Variants in TSHR observed in about 807,000 individuals in gnomAD.
The protein encoded by TSHR is thyroid stimulating hormone receptor.
TSHR carries 51 observed loss-of-function variants against 64.1 expected under a neutral mutation model. That is an observed-to-expected ratio of 0.80 (90% CI 0.64 to 1.01). The LOEUF is 1.01. Ranked by LOEUF, TSHR falls within the 50% of genes least tolerant of loss-of-function variation. The pLI is 0.00. For missense variants in TSHR, 877 were observed against 942.8 expected (o/e 0.93, Z 0.91); for synonymous variants, 361 against 361.9 (o/e 1.00, Z 0.03).
At chr14:81,037,535 T>G (rs1223166406) in intron 1 of TSHR, among the ~76,000 whole-genome samples, 3 of 151,922 alleles carry the variant, frequency 2.0e-5, no homozygotes, top group Non-Finnish European at 4.4e-5. Flanking sequence ...ATTTTCCAAT[T>G]AAAAGATATA....
intron 3 of TSHR, among the ~76,000 whole-genome samples, chr14:81,085,000 C>G (rs1888183184): frequency 6.6e-6 from 1 of 152,086 alleles, no homozygotes; most frequent in Admixed American, 6.5e-5. Context: ...CTTGCTTTTT[C>G]GCCCAGGATG....
chr14:81,049,499 T>C (rs1885326812), intron 1 of TSHR: 1 of 152,238 alleles, frequency 6.6e-6, no homozygotes, highest in African/African-American at 2.4e-5. Flanking sequence ...AAAATAACAA[T>C]GTTTGAAAAC....
intron 1 of TSHR, among the ~76,000 whole-genome samples, chr14:81,020,110 CAT>C (rs1883663800): frequency 6.8e-6 from 1 of 146,856 alleles, no homozygotes; most frequent in Non-Finnish European, 1.5e-5. Flanking sequence ...ATTTATTAAA[CAT>C]ATGTGTCTCT....
chr14:80,957,510 C>G (rs1467638391), intron 1 of TSHR, among the ~76,000 whole-genome samples: 2 of 151,994 alleles, frequency 1.3e-5, no homozygotes, highest in Non-Finnish European at 2.9e-5. Flanking sequence ...AATGAATATG[C>G]CAGGTCTCTG....
chr14:81,116,601 T>C (rs1278627893), intron 8 of TSHR, among the ~76,000 whole-genome samples: 1 of 145,374 alleles, frequency 6.9e-6, no homozygotes, highest in Non-Finnish European at 1.5e-5. Flanking sequence ...AACACCCCAA[T>C]GTCAACATTA....
chr14:81,077,435 C>A (rs887768719), intron 3 of TSHR, among the ~76,000 whole-genome samples: 3 of 152,128 alleles, frequency 2.0e-5, no homozygotes, highest in African/African-American at 7.2e-5. Context: ...TATGTTTAGC[C>A]AACCTTAATT....
At chr14:81,114,644 G>T (rs1042843716) in intron 8 of TSHR, among the ~76,000 whole-genome samples, 13 of 152,210 alleles carry the variant, frequency 8.5e-5, no homozygotes, top group Non-Finnish European at 1.5e-4. Context: ...GGTAAACAAA[G>T]CAGCAGGGAA....
chr14:80,978,160 A>G (rs1428806705), intron 1 of TSHR, among the ~76,000 whole-genome samples: 1 of 151,692 alleles, frequency 6.6e-6, no homozygotes, highest in Non-Finnish European at 1.5e-5. Flanking sequence ...AAGCATGAAC[A>G]TTGCACAGGC....
chr14:80,956,493 G>A (rs1886696225), intron 1 of TSHR, among the ~76,000 whole-genome samples: 1 of 152,168 alleles, frequency 6.6e-6, no homozygotes, highest in Admixed American at 6.5e-5. Flanking sequence ...CATGTTAAAT[G>A]TTACCAGATT....
intron 1 of TSHR, chr14:80,959,328 A>G (rs1886894581): frequency 6.6e-6 from 1 of 152,270 alleles, no homozygotes; most frequent in Non-Finnish European, 1.5e-5. Context: ...GGAAACTTAA[A>G]TGAAGCAAGA....
chr14:81,004,269 G>A (rs1017973256), intron 1 of TSHR, among the ~76,000 whole-genome samples: 2 of 152,056 alleles, frequency 1.3e-5, no homozygotes, highest in Admixed American at 6.5e-5. Flanking sequence ...TTAAAGGCAG[G>A]GATTGTAATC....
intron 3 of TSHR, 52 bp downstream of exon 3, chr14:81,068,380 T>G (rs1337524116): frequency 6.4e-7 from 1 of 1,565,356 alleles, no homozygotes; most frequent in Non-Finnish European, 8.8e-7. Flanking sequence ...CACTCTTGAC[T>G]GATAATCTTG....
intron 1 of TSHR, among the ~76,000 whole-genome samples, chr14:81,016,772 A>G (rs1201005865): frequency 6.6e-6 from 1 of 152,126 alleles, no homozygotes; most frequent in African/African-American, 2.4e-5. Flanking sequence ...TTGAGGACTT[A>G]TGTTTGGATT....
At chr14:81,038,049 A>G (rs1345538199) in intron 1 of TSHR, among the ~76,000 whole-genome samples, 1 of 152,104 alleles carries the variant, frequency 6.6e-6, no homozygotes, top group Non-Finnish European at 1.5e-5. Context: ...TCAAAAGTAC[A>G]TTGAATTTTC....
intron 1 of TSHR, among the ~76,000 whole-genome samples, chr14:80,964,011 G>T (rs1375143112): frequency 2.0e-5 from 3 of 152,198 alleles, no homozygotes; most frequent in Admixed American, 2.0e-4. Context: ...AAGTCCAGAG[G>T]CCCGTGGGAC....
intron 1 of TSHR, among the ~76,000 whole-genome samples, chr14:80,974,490 C>A (rs1167897855): frequency 2.0e-5 from 3 of 152,064 alleles, no homozygotes; most frequent in Non-Finnish European, 2.9e-5. Flanking sequence ...CTCCAGATGC[C>A]CATATTTAAT....
chr14:81,109,400 GTC>G (rs1325467825), intron 8 of TSHR, among the ~76,000 whole-genome samples: 2 of 151,866 alleles, frequency 1.3e-5, no homozygotes, highest in Non-Finnish European at 2.9e-5. Context: ...CAGAGCGAGA[GTC>G]TGTCTCAAAA....
At chr14:81,101,509 T>A (rs746123771) in intron 7 of TSHR, among the ~76,000 whole-genome samples, 1 of 152,230 alleles carries the variant, frequency 6.6e-6, no homozygotes, top group Non-Finnish European at 1.5e-5. Context: ...ACCAAAATGC[T>A]TCTAATGTTA....
At chr14:81,129,868 A>G (rs770876067) in intron 8 of TSHR, among the ~76,000 whole-genome samples, 3 of 152,038 alleles carry the variant, frequency 2.0e-5, no homozygotes, top group Non-Finnish European at 4.4e-5. Context: ...TGCTTCAGCA[A>G]TCCTCTCCCT....
Sources: allele counts gnomAD v4.1 joint callset (sites outside exome capture counted in the v4.1 genomes callset), GRCh38; gene constraint gnomAD v4.1.1; transcripts MANE v1.5; gene names NCBI Gene and HGNC (gene_info 2026-07-23, HGNC 2026-07-21).